Variants in ZRANB3 observed in about 807,000 individuals in gnomAD.
ZRANB3 encodes DNA annealing helicase and endonuclease ZRANB3.
ZRANB3 carries 125 observed loss-of-function variants against 133.8 expected under a neutral mutation model. The ratio of observed to expected loss-of-function variants is 0.93; its 90% CI spans 0.81 to 1.08. The LOEUF (loss-of-function observed/expected upper bound fraction) is 1.08. Ranked by LOEUF, ZRANB3 falls within the 50% of genes least tolerant of loss-of-function variation. The probability of loss-of-function intolerance (pLI) is 0.00; values close to 1 mark genes in which losing one functional copy is unlikely to be tolerated. For synonymous variants in ZRANB3, 387 were observed against 432.7 expected, an observed-to-expected ratio of 0.89 and a Z score of 1.31; for missense variants, 1,229 against 1,275.5, an observed-to-expected ratio of 0.96 and a Z score of 0.56.
rs575299519 is a variant in ZRANB3 at position 135,402,562 on chromosome 2, G to A, written c.162-11742C>T. 3.1e-4 allele frequency among the ~76,000 whole-genome samples: 47 copies of A among 151,684 alleles called. 1 individual carries two copies. Among genetic ancestry groups the A allele is most frequent in the Admixed American group, 2.8e-3 (43 of 15,212 alleles). On this transcript the variant is annotated intron_variant, in intron 2 of 20. Coordinates refer to ENST00000264159, the MANE Select transcript of ZRANB3 (RefSeq NM_032143.4). The stretch of plus-strand genomic sequence containing the variant: ...ACCCAACTCGGCCTCCCAATGTGCT[G>A]GGATTACAGGGCTTAGCCACTGCAC...
intron 12 of ZRANB3, among the ~76,000 whole-genome samples, chr2:135,258,789 C>T (rs984718606): frequency 2.0e-5 from 3 of 152,116 alleles, no homozygotes; most frequent in Non-Finnish European, 4.4e-5. Context: ...AGTTCTTTAC[C>T]ATATTCAGAA....
rs924352760 is a variant in ZRANB3, at chr2:135,199,999, C to T, written c.*343G>A. 1 of 326,800 alleles carries T rather than the reference C, an allele frequency of 3.1e-6. No homozygotes were observed. The highest frequency in any genetic ancestry group is 2.2e-5 in the African/African-American group (1 of 45,662). The allele number at this position is 326,800 out of a possible 1,614,324, so 20.2% of individuals were successfully genotyped here. The stretch of plus-strand genomic sequence containing the variant: ...GTCCAGAACAATACTAATCCAGAAG[C>T]ATTTTTAGGTAATTGAGAGTACATT... On this transcript the variant is annotated 3_prime_UTR_variant, in exon 21 of 21. Transcript: ENST00000264159.
intron 2 of ZRANB3, among the ~76,000 whole-genome samples, chr2:135,458,695 A>C (rs1045786408): frequency 6.6e-6 from 1 of 152,100 alleles, no homozygotes; most frequent in African/African-American, 2.4e-5. Context: ...AAAACAACAA[A>C]AAAGTTTATG....
At chr2:135,474,105 C>G (rs1691397125) in intron 2 of ZRANB3, among the ~76,000 whole-genome samples, 1 of 152,006 alleles carries the variant, frequency 6.6e-6, no homozygotes, top group African/African-American at 2.4e-5. Context: ...GCGGGAGGAT[C>G]ACATGAGCCT....
chr2:135,257,467 A>G (rs566774508), intron 12 of ZRANB3, among the ~76,000 whole-genome samples: 10 of 152,344 alleles, frequency 6.6e-5, no homozygotes, highest in African/African-American at 2.2e-4. Context: ...TTGCTGGGTC[A>G]TATGGTGACT....
chr2:135,362,227 G>T (rs896458245), intron 3 of ZRANB3, among the ~76,000 whole-genome samples: 1 of 151,734 alleles, frequency 6.6e-6, no homozygotes, highest in African/African-American at 2.4e-5. Context: ...ATAGAATAGT[G>T]TGTGTACATT....
intron 2 of ZRANB3, among the ~76,000 whole-genome samples, chr2:135,494,550 C>T (rs1290083144): frequency 6.6e-6 from 1 of 152,022 alleles, no homozygotes; most frequent in African/African-American, 2.4e-5. Flanking sequence ...TTTGCACGGT[C>T]ATAATATCTC....
At position 135,331,543 on chromosome 2, in the gene ZRANB3, G is replaced by A. The variant is rs1684139943; in HGVS notation, c.677+14007C>T. 2.0e-5 allele frequency among the ~76,000 whole-genome samples: 3 copies of A among 152,158 alleles called. No individual in the cohort carries two copies. The South Asian group carries it at 6.2e-4, about 31-fold the overall frequency. On this transcript the variant is annotated intron_variant, in intron 6 of 20. Transcript: ENST00000264159. ...AAGAATGTATATTCTGTTGATTTGG[G>A]GTGGAGAGTTCTGTAGATGTCTATT...
chr2:135,227,276 C>T (rs1195555366), intron 14 of ZRANB3, among the ~76,000 whole-genome samples: 1 of 152,082 alleles, frequency 6.6e-6, no homozygotes, highest in African/African-American at 2.4e-5. Flanking sequence ...TGGAATCAAC[C>T]AAAAAGTAAA....
intron 2 of ZRANB3, among the ~76,000 whole-genome samples, chr2:135,499,568 G>A (rs552626816): frequency 4.2e-4 from 64 of 152,220 alleles, no homozygotes; most frequent in Non-Finnish European, 6.3e-4. Flanking sequence ...TTTAAAAAAA[G>A]ATGTCCAAAT....
intron 3 of ZRANB3, among the ~76,000 whole-genome samples, chr2:135,387,779 T>C (rs942253344): frequency 6.6e-6 from 1 of 152,182 alleles, no homozygotes; most frequent in Non-Finnish European, 1.5e-5. Flanking sequence ...TTTTGCAATG[T>C]ATTTAATTAA....
At position 135,421,766 on chromosome 2, in the gene ZRANB3, C is replaced by T. The variant is rs549388986; in HGVS notation, c.162-30946G>A. On this transcript the variant is annotated intron_variant, in intron 2 of 20. Transcript: ENST00000264159. Reference sequence around the variant, plus strand: ...TTAGTTAGTACGGTGGCCTTTTAGCCCTCTTCTTTTGCAACATCTTTGTGG... The same window carrying T: ...TTAGTTAGTACGGTGGCCTTTTAGCTCTCTTCTTTTGCAACATCTTTGTGG... Among the ~76,000 whole-genome samples the T allele has an allele frequency of 4.6e-5, 7 of 152,072 alleles. No homozygotes were observed. In the East Asian group the frequency reaches 1.4e-3, roughly 29 times the overall value.
At chr2:135,252,450 T>A (rs977872722) in intron 12 of ZRANB3, among the ~76,000 whole-genome samples, 1 of 152,170 alleles carries the variant, frequency 6.6e-6, no homozygotes, top group African/African-American at 2.4e-5. Context: ...GGCTGTCTCT[T>A]CCAATAAGGA....
At chr2:135,210,082 T>C (rs1284821367) in intron 17 of ZRANB3, among the ~76,000 whole-genome samples, 1 of 152,134 alleles carries the variant, frequency 6.6e-6, no homozygotes, top group Non-Finnish European at 1.5e-5. Context: ...CAGTTTTGTT[T>C]TTATTTTATT....
intron 6 of ZRANB3, among the ~76,000 whole-genome samples, chr2:135,329,201 T>TG (rs1198404141): frequency 1.3e-5 from 2 of 152,204 alleles, no homozygotes; most frequent in Non-Finnish European, 2.9e-5. Context: ...AGGTCTAACA[T>TG]GTAAGTCTTT....
intron 10 of ZRANB3, 30 bp downstream of exon 10, chr2:135,271,738 A>C (rs1317322390): frequency 6.3e-7 from 1 of 1,590,482 alleles, no homozygotes. Context: ...ATGACATTTC[A>C]TAACCAAATT....
chr2:135,275,065 T>G (rs897811365), intron 9 of ZRANB3, among the ~76,000 whole-genome samples: 2 of 152,246 alleles, frequency 1.3e-5, no homozygotes, highest in African/African-American at 4.8e-5. Flanking sequence ...CTCTATCTTT[T>G]CCCCACATTT....
At chr2:135,228,071 A>T in intron 13 of ZRANB3, 56 bp from the exon 14 acceptor site, 1 of 1,368,208 alleles carries the variant, frequency 7.3e-7, no homozygotes, top group Non-Finnish European at 9.9e-7. Flanking sequence ...AAAGTAAAGT[A>T]AAAAGAATGT....
chr2:135,476,323 G>C (rs531270200), intron 2 of ZRANB3, among the ~76,000 whole-genome samples: 2 of 152,116 alleles, frequency 1.3e-5, no homozygotes, highest in Non-Finnish European at 2.9e-5. Flanking sequence ...TTTCTTATTT[G>C]TTAGAGATTA....
Sources: allele counts gnomAD v4.1 joint callset (sites outside exome capture counted in the v4.1 genomes callset), GRCh38; gene constraint gnomAD v4.1.1; transcripts MANE v1.5; gene names NCBI Gene and HGNC (gene_info 2026-07-23, HGNC 2026-07-21).